Variants in METTL8 observed in about 807,000 individuals in gnomAD.
METTL8 encodes the protein methyltransferase 8, tRNA N3-cytidine.
In METTL8, 32 loss-of-function variants were observed where a neutral mutation model predicts 48.7. The ratio of observed to expected loss-of-function variants is 0.66; its 90% CI spans 0.50 to 0.88. The LOEUF is 0.88. Among genes scored for constraint, METTL8 ranks in the 40% least tolerant of loss-of-function variants. METTL8 has a pLI of 0.00. For synonymous variants in METTL8, 136 were observed against 157.1 expected (o/e 0.87, Z 1.01); for missense variants, 464 against 474.4 (o/e 0.98, Z 0.20).
intron 2 of METTL8, among the ~76,000 whole-genome samples, chr2:171,378,103 G>A (rs972394110): frequency 6.6e-6 from 1 of 152,150 alleles, no homozygotes; most frequent in Non-Finnish European, 1.5e-5. Flanking sequence ...AACCTTAAAT[G>A]TAAATTGGCT....
At chr2:171,325,949 T>G (rs886444142) in intron 8 of METTL8, 43 bp from the exon 9 acceptor site, 1 of 1,448,636 alleles carries the variant, frequency 6.9e-7, no homozygotes, top group Non-Finnish European at 9.5e-7. Context: ...GGGTATTCCT[T>G]TAAAAAAAAA....
intron 3 of METTL8, among the ~76,000 whole-genome samples, chr2:171,348,073 T>C (rs1683477063): frequency 6.6e-6 from 1 of 152,180 alleles, no homozygotes; most frequent in Non-Finnish European, 1.5e-5. Context: ...TCTCATTAGC[T>C]TAGGCTCCCC....
intron 2 of METTL8, among the ~76,000 whole-genome samples, chr2:171,366,726 A>T (rs1373586710): frequency 6.6e-6 from 1 of 152,012 alleles, no homozygotes; most frequent in East Asian, 1.9e-4. Context: ...CACTATCTGA[A>T]ATAAAGAGTT....
intron 3 of METTL8, 34 bp from the exon 4 acceptor site, chr2:171,339,588 A>T (rs1290643642): frequency 4.9e-6 from 6 of 1,221,140 alleles, no homozygotes; most frequent in African/African-American, 4.6e-5. Flanking sequence ...GATTTATTTT[A>T]CTACGAATTA....
At chr2:171,381,214 T>G (rs556569633) in intron 2 of METTL8, among the ~76,000 whole-genome samples, 8 of 152,306 alleles carry the variant, frequency 5.3e-5, no homozygotes, top group African/African-American at 1.7e-4. Flanking sequence ...TGCAGAAAAC[T>G]GAAACCGGAC....
intron 7 of METTL8, among the ~76,000 whole-genome samples, chr2:171,326,606 T>G (rs2105387533): frequency 6.6e-6 from 1 of 152,370 alleles, no homozygotes; most frequent in East Asian, 1.9e-4. Flanking sequence ...TCTCCTTTTC[T>G]TTATTTAGTT....
chr2:171,357,257 CCAA>C (rs1276155976), intron 3 of METTL8, among the ~76,000 whole-genome samples: 1 of 152,062 alleles, frequency 6.6e-6, no homozygotes, highest in African/African-American at 2.4e-5. Flanking sequence ...CTGTGCCCAG[CCAA>C]CAATATGATC....
chr2:171,405,299 GA>G (rs141936955), intron 1 of METTL8, among the ~76,000 whole-genome samples: 5 of 149,732 alleles, frequency 3.3e-5, no homozygotes, highest in Admixed American at 2.7e-4. Flanking sequence ...GACTGATCAA[GA>G]AAAAAAAATA....
intron 2 of METTL8, among the ~76,000 whole-genome samples, chr2:171,379,854 T>C (rs974086916): frequency 3.3e-5 from 5 of 152,182 alleles, no homozygotes; most frequent in African/African-American, 1.2e-4. Flanking sequence ...TCTGAAACTA[T>C]TACAAACAAT....
chr2:171,375,228 G>A (rs1372449327), intron 2 of METTL8: 10 of 1,282,414 alleles, frequency 7.8e-6, no homozygotes, highest in South Asian at 2.4e-5. Flanking sequence ...TAGGATGCAC[G>A]TGGCCGCGGC....
intron 2 of METTL8, among the ~76,000 whole-genome samples, chr2:171,374,293 T>C (rs1686710454): frequency 1.3e-5 from 2 of 152,304 alleles, no homozygotes; most frequent in South Asian, 2.1e-4. Context: ...TTTTTGCACA[T>C]TGATTTTGTA....
Position 171,318,448 on chromosome 2 carries a change from T to C in METTL8, c.*5724A>G, listed in dbSNP as rs985742740. On this transcript the variant is annotated 3_prime_UTR_variant, in exon 10 of 10. Coordinates refer to ENST00000375258, the MANE Select transcript of METTL8 (RefSeq NM_001321154.2). ...TTGAAGACATTTTAAGGGTTTTTTTTCCCCACTGCAGTACAGAATGCTTTT... is the reference window on the plus strand; with the variant it reads ...TTGAAGACATTTTAAGGGTTTTTTTCCCCCACTGCAGTACAGAATGCTTTT... 4.6e-5 allele frequency: 7 copies of C among 152,216 alleles called. No homozygotes were observed. Among genetic ancestry groups the C allele is most frequent in the East Asian group, 1.9e-4 (1 of 5,198 alleles). The allele number at this position is 152,216 out of a possible 1,614,324, so 9.4% of individuals were successfully genotyped here.
rs561072617 is a variant in METTL8 at position 171,316,182 on chromosome 2, T to A, written c.*7990A>T. Among the ~76,000 whole-genome samples, 3 of 152,364 alleles carry A rather than the reference T, an allele frequency of 2.0e-5. No homozygotes were observed. In the South Asian group the frequency reaches 6.2e-4, roughly 32 times the overall value. The stretch of plus-strand genomic sequence containing the variant: ...TTTGAGAAATGGAAAAGAAAATCTA[T>A]GAGGAAAACGTCAGCTTGCTTATCC... On this transcript the variant is annotated 3_prime_UTR_variant, in exon 10 of 10. Coordinates refer to ENST00000375258, the MANE Select transcript of METTL8 (RefSeq NM_001321154.2).
intron 7 of METTL8, among the ~76,000 whole-genome samples, chr2:171,326,570 A>G (rs914366035): frequency 8.5e-5 from 13 of 152,236 alleles, no homozygotes; most frequent in African/African-American, 3.1e-4. Flanking sequence ...TAAAGAGGGA[A>G]TATCTTTCCT....
chr2:171,320,967 C>T lies in METTL8; in HGVS notation c.*3205G>A, dbSNP rs894900758. ...TACACCTGCTAGTCTAGGTTATCTA[C>T]AAGCTGACCCCCTTCCCATCTTTTC... On this transcript the variant is annotated 3_prime_UTR_variant, in exon 10 of 10. Transcript: ENST00000375258. The T allele has an allele frequency of 3.3e-5, 5 of 152,178 alleles. No individual in the cohort carries two copies. Among genetic ancestry groups the T allele is most frequent in the African/African-American group, 1.2e-4 (5 of 41,430 alleles). 9.4% of individuals were successfully genotyped at this position (152,178 alleles called of 1,614,324 possible).
At chr2:171,408,093 G>C (rs1440611365) in intron 1 of METTL8, among the ~76,000 whole-genome samples, 1 of 152,146 alleles carries the variant, frequency 6.6e-6, no homozygotes, top group Non-Finnish European at 1.5e-5. Flanking sequence ...GGTTGTACTT[G>C]TACTTATTTT....
rs753206038 is a variant in METTL8, at chr2:171,317,306, G to A, written c.*6866C>T. 6.6e-6 allele frequency: 1 copy of A among 152,134 alleles called. No individual in the cohort carries two copies. The highest frequency in any genetic ancestry group is 1.5e-5 in the Non-Finnish European group (1 of 68,028). 9.4% of individuals were successfully genotyped at this position (152,134 alleles called of 1,614,324 possible). ...TGCAATGAACTAGGAGCAATGGATT[G>A]AAAATATTTGGCCAAATAATTTTTA... is the stretch of plus-strand genomic sequence containing the variant. On this transcript the variant is annotated 3_prime_UTR_variant, in exon 10 of 10. Coordinates refer to ENST00000375258, the MANE Select transcript of METTL8 (RefSeq NM_001321154.2).
intron 3 of METTL8, among the ~76,000 whole-genome samples, chr2:171,349,707 A>C (rs1264953386): frequency 1.3e-5 from 2 of 152,082 alleles, no homozygotes; most frequent in Non-Finnish European, 2.9e-5. Flanking sequence ...GTCATATGGC[A>C]GTTCTATTTT....
chr2:171,363,791 T>TA (rs1434138543), intron 2 of METTL8, among the ~76,000 whole-genome samples: 7 of 89,444 alleles, frequency 7.8e-5, no homozygotes, highest in African/African-American at 2.4e-4. Flanking sequence ...ATCCCCAAAT[T>TA]TTATATATAT....
Sources: gnomAD v4.1 joint callset for allele counts (sites outside exome capture counted in the v4.1 genomes callset) on GRCh38, gnomAD v4.1.1 for gene constraint, MANE v1.5 for transcripts, NCBI Gene and HGNC (gene_info 2026-07-23, HGNC 2026-07-21) for gene names.